SLC25A30: variants seen among roughly 807,000 people sequenced by gnomAD.
SLC25A30 encodes the protein kidney mitochondrial carrier protein 1.
In SLC25A30, 29 loss-of-function variants were observed where a neutral mutation model predicts 42.7. The ratio of observed to expected loss-of-function variants is 0.68; its 90% CI spans 0.51 to 0.93. SLC25A30 has a LOEUF of 0.93. Ranked by LOEUF, SLC25A30 falls within the 40% of genes least tolerant of loss-of-function variation. The probability of loss-of-function intolerance (pLI) is 0.00; values close to 1 mark genes in which losing one functional copy is unlikely to be tolerated. For missense variants in SLC25A30, 300 were observed against 359.7 expected (o/e 0.83, Z 1.34); for synonymous variants, 124 against 131.0 (o/e 0.95, Z 0.37).
At chr13:45,414,580 G>A (rs1247622590) in intron 1 of SLC25A30, among the ~76,000 whole-genome samples, 1 of 151,366 alleles carries the variant, frequency 6.6e-6, no homozygotes, top group Non-Finnish European at 1.5e-5. Flanking sequence ...TCTTGACACT[G>A]CATTCCAGCC....
At chr13:45,415,954 C>T (rs1387579402) in intron 1 of SLC25A30, among the ~76,000 whole-genome samples, 1 of 150,650 alleles carries the variant, frequency 6.6e-6, no homozygotes, top group African/African-American at 2.4e-5. Context: ...CACGTGCCAC[C>T]ACGTCCAGCT....
chr13:45,425,505 AAT>A, the SLC25A30 span, among the ~76,000 whole-genome samples: 5 of 109,668 alleles, frequency 4.6e-5, no homozygotes, highest in South Asian at 2.5e-4. Context: ...AGTATATAGA[AAT>A]ATATATAAGC....
intron 6 of SLC25A30, 118 bp from the exon 7 acceptor site, chr13:45,401,325 G>A (rs1881958865): frequency 1.9e-6 from 2 of 1,063,434 alleles, no homozygotes; most frequent in Non-Finnish European, 2.7e-6. Context: ...TTCCTCTGGG[G>A]AGGCAGAAAT....
chr13:45,411,585 C>T (rs1883034866), intron 1 of SLC25A30, 105 bp from the exon 2 acceptor site: 1 of 685,674 alleles, frequency 1.5e-6, no homozygotes, highest in Non-Finnish European at 2.5e-6. Flanking sequence ...ATCACCAAAA[C>T]CCCTGCAGCA....
intron 5 of SLC25A30, chr13:45,402,702 G>A: frequency 1.1e-6 from 1 of 876,952 alleles, no homozygotes; most frequent in Non-Finnish European, 1.4e-6. Context: ...TACTATATAG[G>A]TGAGAGAAAA....
rs777978226 is a variant in SLC25A30 at position 45,395,969 on chromosome 13, G to A, written c.*5C>T. ...CAGAAAGATGTCTCATGCAGCCTTGGCTTGTCACAAATCCAATTTCTTCAA... is the reference window on the plus strand; with the variant it reads ...CAGAAAGATGTCTCATGCAGCCTTGACTTGTCACAAATCCAATTTCTTCAA... On this transcript the variant is annotated 3_prime_UTR_variant, in exon 10 of 10. Transcript: ENST00000519676. 97 of 1,614,030 alleles carry A rather than the reference G, an allele frequency of 6.0e-5. No homozygotes were observed. Among genetic ancestry groups the A allele is most frequent in the Non-Finnish European group, 7.8e-5 (92 of 1,180,022 alleles).
At chr13:45,402,610 A>G (rs1882106562) in intron 5 of SLC25A30, 1 of 251,444 alleles carries the variant, frequency 4.0e-6, no homozygotes, top group South Asian at 1.5e-4. Flanking sequence ...TCCTACGTAC[A>G]GCAGTTCATT....
chr13:45,416,019 C>T (rs907867167), intron 1 of SLC25A30, among the ~76,000 whole-genome samples: 1 of 150,206 alleles, frequency 6.7e-6, no homozygotes, highest in Non-Finnish European at 1.5e-5. Context: ...AGGCTGGTCT[C>T]GAACTCCTGA....
intron 6 of SLC25A30, among the ~76,000 whole-genome samples, chr13:45,401,990 G>A (rs1161189083): frequency 1.3e-5 from 2 of 149,574 alleles, no homozygotes; most frequent in Non-Finnish European, 1.5e-5. Context: ...AACTCAGGAG[G>A]TGGAGGTTGC....
rs1250059345 is a variant in SLC25A30 at position 45,406,032 on chromosome 13, G to T, written c.213-55C>A. On this transcript the variant is annotated intron_variant, in intron 3 of 9. Coordinates refer to ENST00000519676, the MANE Select transcript of SLC25A30 (RefSeq NM_001010875.4). Reference sequence around the variant, plus strand: ...GCAATCTAAAAATCACTTAACATCGGCTAGGCAACCCACATGCAGAGTGCC... The same window carrying T: ...GCAATCTAAAAATCACTTAACATCGTCTAGGCAACCCACATGCAGAGTGCC... The T allele has an allele frequency of 2.0e-6, 3 of 1,538,304 alleles. No individual in the cohort carries two copies. The African/African-American group carries it at 4.1e-5, about 21-fold the overall frequency.
At chr13:45,402,706 G>T in intron 5 of SLC25A30, 1 of 906,266 alleles carries the variant, frequency 1.1e-6, no homozygotes, top group Non-Finnish European at 1.3e-6. Flanking sequence ...ATATAGGTGA[G>T]AGAAAAGTTA....
the SLC25A30 span, among the ~76,000 whole-genome samples, chr13:45,425,599 TATATATATAC>T: frequency 0.23 from 13,072 of 56,966 alleles, 2,693 homozygotes; most frequent in African/African-American, 0.42. Context: ...TATATATACA[TATATATATAC>T]ATATATAAAT....
the SLC25A30 span, among the ~76,000 whole-genome samples, chr13:45,430,766 C>A: frequency 6.6e-6 from 1 of 152,104 alleles, no homozygotes; most frequent in African/African-American, 2.4e-5. Context: ...CAGATCATGC[C>A]ACTGCACTTC....
chr13:45,411,487 A>C lies in SLC25A30; in HGVS notation c.-55-7T>G. On this transcript the variant is annotated splice_region_variant and splice_polypyrimidine_tract_variant and intron_variant, in intron 1 of 9. Transcript: ENST00000519676. ...GCCTCCAGTGCTGTTTTTCCTGGAC[A>C]CAACAATAAGATATTATCAAGCTGT... 1 of 1,515,744 alleles carries C rather than the reference A, an allele frequency of 6.6e-7. No individual in the cohort carries two copies. Among genetic ancestry groups the C allele is most frequent in the Non-Finnish European group, 9.1e-7 (1 of 1,093,570 alleles). 93.9% of individuals were successfully genotyped at this position (1,515,744 alleles called of 1,614,324 possible). A position where few individuals can be genotyped will look rare whatever the true frequency, so the allele number is the denominator to read the frequency against.
intron 1 of SLC25A30, among the ~76,000 whole-genome samples, chr13:45,415,279 T>G (rs2137696722): frequency 6.6e-6 from 1 of 152,204 alleles, no homozygotes; most frequent in East Asian, 1.9e-4. Flanking sequence ...CTACCAAATA[T>G]TCAAACTAAG....
chr13:45,419,223 C>G (rs1442801440), upstream of SLC25A30, among the ~76,000 whole-genome samples: 1 of 147,904 alleles, frequency 6.8e-6, no homozygotes, highest in Non-Finnish European at 1.5e-5. Context: ...ACATATATAT[C>G]TAATATACAT....
At chr13:45,428,871 A>C in the SLC25A30 span, among the ~76,000 whole-genome samples, 3 of 151,942 alleles carry the variant, frequency 2.0e-5, no homozygotes, top group African/African-American at 7.3e-5. Context: ...AGACAAAAAA[A>C]GAGAAACAAA....
chr13:45,423,452 T>C (rs1255326055), upstream of SLC25A30, among the ~76,000 whole-genome samples: 1 of 145,150 alleles, frequency 6.9e-6, no homozygotes, highest in South Asian at 2.1e-4. Flanking sequence ...CAAATTATGG[T>C]CCATGGACCA....
chr13:45,397,189 T>C (rs1377308601), intron 9 of SLC25A30, 69 bp downstream of exon 9: 6 of 1,034,344 alleles, frequency 5.8e-6, no homozygotes, highest in South Asian at 4.2e-5. Context: ...ATTAATAACA[T>C]GAGAGTTTAT....
Sources: gnomAD v4.1 joint callset for allele counts (sites outside exome capture counted in the v4.1 genomes callset) on GRCh38, gnomAD v4.1.1 for gene constraint, MANE v1.5 for transcripts, NCBI Gene and HGNC (gene_info 2026-07-23, HGNC 2026-07-21) for gene names.